PHTF2: variants seen among roughly 807,000 people sequenced by gnomAD.
PHTF2 encodes the protein putative homeodomain transcription factor 2.
Under a neutral mutation model 101.2 loss-of-function variants are expected in PHTF2, and 60 were observed. The observed-to-expected ratio is 0.59, with a 90% CI of 0.48 to 0.73. PHTF2 has a LOEUF of 0.73. Among genes scored for constraint, PHTF2 ranks in the 30% least tolerant of loss-of-function variants. The pLI is 0.00. For missense variants in PHTF2, 747 were observed against 908.7 expected (o/e 0.82, Z 2.29); for synonymous variants, 311 against 307.3 (o/e 1.01, Z -0.13).
chr7:77,872,222 G>T (rs780567357), intron 3 of PHTF2, among the ~76,000 whole-genome samples: 37 of 152,178 alleles, frequency 2.4e-4, no homozygotes, highest in South Asian at 4.1e-4. Flanking sequence ...ATTGGACGAT[G>T]ATGGGGTGGC....
chr7:77,868,321 A>AT (rs1798234510), intron 3 of PHTF2, among the ~76,000 whole-genome samples: 4 of 139,818 alleles, frequency 2.9e-5, no homozygotes, highest in Non-Finnish European at 3.1e-5. Context: ...ATTAAAAAAA[A>AT]ATTTTTTTTT....
intron 11 of PHTF2, among the ~76,000 whole-genome samples, chr7:77,924,622 AT>A (rs956009463): frequency 6.6e-6 from 1 of 152,192 alleles, no homozygotes; most frequent in Non-Finnish European, 1.5e-5. Context: ...TTGGGGAAGT[AT>A]TTTGTGCATG....
chr7:77,802,086 GT>G (rs1170225370), intron 1 of PHTF2, among the ~76,000 whole-genome samples: 20 of 152,332 alleles, frequency 1.3e-4, no homozygotes, highest in African/African-American at 4.6e-4. Flanking sequence ...AGGTCTGAAG[GT>G]GGTGTTTGTA....
intron 3 of PHTF2, among the ~76,000 whole-genome samples, chr7:77,862,057 C>CAA (rs776337296): frequency 0.013 from 1,250 of 94,906 alleles, 9 homozygotes; most frequent in Middle Eastern, 0.049. Context: ...AACTCCATCT[C>CAA]AAAAAAAAAA....
intron 1 of PHTF2, among the ~76,000 whole-genome samples, chr7:77,833,955 G>C (rs773611990): frequency 6.6e-6 from 1 of 152,114 alleles, no homozygotes; most frequent in Non-Finnish European, 1.5e-5. Flanking sequence ...AGAAACTTCT[G>C]TACATTATTG....
At chr7:77,937,499 TTA>T (rs1310282244) in intron 12 of PHTF2, among the ~76,000 whole-genome samples, 1 of 152,176 alleles carries the variant, frequency 6.6e-6, no homozygotes, top group Non-Finnish European at 1.5e-5. Context: ...AGATAGAATT[TTA>T]GTGTCTTAGA....
chr7:77,824,882 A>C (rs892304587), intron 1 of PHTF2, among the ~76,000 whole-genome samples: 8 of 152,000 alleles, frequency 5.3e-5, no homozygotes, highest in Admixed American at 2.0e-4. Context: ...AAAAAAAAAA[A>C]ACGTTAGCCG....
At chr7:77,918,382 A>G (rs1803133150) in intron 9 of PHTF2, among the ~76,000 whole-genome samples, 1 of 152,140 alleles carries the variant, frequency 6.6e-6, no homozygotes, top group Admixed American at 6.5e-5. Flanking sequence ...CTCTTCTTGC[A>G]TATACTGTCT....
chr7:77,923,551 G>A, intron 11 of PHTF2: 1 of 985,342 alleles, frequency 1.0e-6, no homozygotes, highest in Non-Finnish European at 1.2e-6. Flanking sequence ...CTTTGTGGTT[G>A]TGTCTCTGGT....
rs149781376 is a variant in PHTF2, at chr7:77,903,440, G to A, written c.445+1520G>A. Among the ~76,000 whole-genome samples the A allele has an allele frequency of 4.0e-3, 614 of 152,286 alleles. 3 individuals are homozygous for A. Among genetic ancestry groups the A allele is most frequent in the Non-Finnish European group, 4.4e-3 (298 of 68,022 alleles). Reference sequence around the variant, plus strand: ...AGTACCATTGATTGTACATCACAGTGCATTGTGCTTTTTAAGATATTGCTG... The same window carrying A: ...AGTACCATTGATTGTACATCACAGTACATTGTGCTTTTTAAGATATTGCTG... On this transcript the variant is annotated intron_variant, in intron 7 of 19. Coordinates refer to ENST00000416283, the Ensembl canonical transcript of PHTF2.
chr7:77,834,856 T>G (rs1470242490), intron 1 of PHTF2, among the ~76,000 whole-genome samples: 4 of 152,016 alleles, frequency 2.6e-5, no homozygotes, highest in Non-Finnish European at 5.9e-5. Context: ...TCCTTAAGAG[T>G]GTTTACATAT....
chr7:77,934,947 GTC>G (rs1165450335), intron 12 of PHTF2, among the ~76,000 whole-genome samples: 1 of 150,284 alleles, frequency 6.7e-6, no homozygotes, highest in East Asian at 1.9e-4. Context: ...GCCCAACACA[GTC>G]TCAAAAAAAA....
intron 3 of PHTF2, among the ~76,000 whole-genome samples, chr7:77,878,655 TC>T (rs1203269977): frequency 2.0e-5 from 3 of 152,180 alleles, no homozygotes; most frequent in African/African-American, 7.2e-5. Flanking sequence ...GCTTGGCTAC[TC>T]CCAGGAATGA....
intron 1 of PHTF2, among the ~76,000 whole-genome samples, chr7:77,818,220 A>G (rs1396049719): frequency 6.6e-6 from 1 of 150,710 alleles, no homozygotes; most frequent in Non-Finnish European, 1.5e-5. Context: ...TTATCTTTTT[A>G]CTCTGTTGAT....
chr7:77,817,319 G>T (rs900485239), intron 1 of PHTF2, among the ~76,000 whole-genome samples: 5 of 152,090 alleles, frequency 3.3e-5, no homozygotes, highest in Admixed American at 2.0e-4. Flanking sequence ...GATGATTAGT[G>T]TATTAGTTCG....
intron 12 of PHTF2, among the ~76,000 whole-genome samples, chr7:77,935,415 C>T (rs1177697231): frequency 3.3e-5 from 5 of 151,854 alleles, no homozygotes; most frequent in African/African-American, 7.3e-5. Context: ...TTAGTAGAGA[C>T]GGGGTTTCAC....
intron 1 of PHTF2, among the ~76,000 whole-genome samples, chr7:77,801,408 C>A (rs533774537): frequency 8.5e-5 from 13 of 152,188 alleles, no homozygotes; most frequent in African/African-American, 3.1e-4. Context: ...CAATATGAAA[C>A]CCCGTCTCTA....
chr7:77,939,920 G>C (rs887706453), intron 13 of PHTF2, 110 bp from the exon 13 acceptor site: 43 of 763,252 alleles, frequency 5.6e-5, no homozygotes, highest in Non-Finnish European at 8.3e-5. Context: ...TACTCAGAAT[G>C]AGTATATTTT....
At chr7:77,888,391 C>T (rs189441657) in intron 3 of PHTF2, among the ~76,000 whole-genome samples, 4 of 152,180 alleles carry the variant, frequency 2.6e-5, no homozygotes, top group African/African-American at 9.7e-5. Flanking sequence ...GCTGGGATTA[C>T]GGGCATGAGC....
Sources: gnomAD v4.1 joint callset for allele counts (sites outside exome capture counted in the v4.1 genomes callset) on GRCh38, gnomAD v4.1.1 for gene constraint, MANE v1.5 for transcripts, NCBI Gene and HGNC (gene_info 2026-07-23, HGNC 2026-07-21) for gene names.